Variants in C10orf90 observed in about 807,000 individuals in gnomAD.
The protein encoded by C10orf90 is chromosome 10 open reading frame 90.
A neutral mutation model predicts 62.5 loss-of-function variants in C10orf90; 56 were observed. That is an observed-to-expected ratio of 0.90 (90% confidence interval 0.72 to 1.12). The LOEUF (loss-of-function observed/expected upper bound fraction) is 1.12, where lower values mean the gene tolerates loss of function less well. Ranked by LOEUF, C10orf90 falls within the 50% of genes most tolerant of loss-of-function variation. The pLI is 0.00. For synonymous variants in C10orf90, 386 were observed against 340.4 expected (o/e 1.13, Z -1.47); for missense variants, 970 against 880.4 (o/e 1.10, Z -1.29).
intron 2 of C10orf90, among the ~76,000 whole-genome samples, chr10:126,558,330 G>A (rs1199605096): frequency 6.6e-6 from 1 of 152,054 alleles, no homozygotes. Flanking sequence ...ATCCTTCAGT[G>A]ACTTCTCATT....
chr10:126,602,621 G>A (rs979990670), intron 2 of C10orf90, among the ~76,000 whole-genome samples: 8 of 152,162 alleles, frequency 5.3e-5, no homozygotes, highest in Non-Finnish European at 4.4e-5. Flanking sequence ...TTTGGACAGA[G>A]CCCATAACCA....
chr10:126,485,110 G>A (rs988732311), intron 4 of C10orf90, among the ~76,000 whole-genome samples: 14 of 152,166 alleles, frequency 9.2e-5, no homozygotes, highest in Non-Finnish European at 1.5e-5. Flanking sequence ...AGGTAATTAG[G>A]TCATATGGGT....
At chr10:126,586,802 G>A (rs114178628) in intron 2 of C10orf90, among the ~76,000 whole-genome samples, 1,908 of 152,152 alleles carry the variant, frequency 0.013, 25 homozygotes, top group African/African-American at 0.024. Flanking sequence ...AATATGTTGC[G>A]TTATCCTATC....
chr10:126,491,973 AG>A (rs1861794639), intron 4 of C10orf90, among the ~76,000 whole-genome samples: 1 of 152,214 alleles, frequency 6.6e-6, no homozygotes, highest in African/African-American at 2.4e-5. Flanking sequence ...GAAAAGACAA[AG>A]GGGAAAAGAT....
chr10:126,549,832 G>A (rs746813970), intron 2 of C10orf90, among the ~76,000 whole-genome samples: 67 of 151,708 alleles, frequency 4.4e-4, no homozygotes, highest in Non-Finnish European at 8.1e-4. Context: ...ATCATGGGAC[G>A]CTCAACAAAA....
In C10orf90 at chr10:126,670,412, G is replaced by A. The variant is rs779078306; in HGVS notation, c.69C>T (p.Ala23=). ...TTTTTATCTGGAAAGTCCGATGCAC[G>A]GCCGTTTCTGTGTAGCGGGCAGCAT... The part of the protein sequence containing the change: ...QGYAARYTET[A]VHRTFQIKTF... The change falls in exon 1 of 10, where the codon GCC becomes GCT. Residue 23 remains alanine, a synonymous_variant. Coordinates refer to ENST00000488181, the MANE Select transcript of C10orf90 (RefSeq NM_001350921.2). 1.3e-4 allele frequency: 58 copies of A among 456,550 alleles called. No individual in the cohort carries two copies. Among genetic ancestry groups the A allele is most frequent in the South Asian group, 7.1e-4 (46 of 64,566 alleles). The allele number at this position is 456,550 out of a possible 1,614,324, so 28.3% of individuals were successfully genotyped here.
chr10:126,465,947 G>A (rs1860258421), intron 4 of C10orf90, among the ~76,000 whole-genome samples: 3 of 152,320 alleles, frequency 2.0e-5, no homozygotes, highest in Admixed American at 6.5e-5. Context: ...GAAGATGTGG[G>A]AGACTGTTGT....
chr10:126,471,221 CAAG>C (rs1860569670), intron 4 of C10orf90, among the ~76,000 whole-genome samples: 1 of 148,840 alleles, frequency 6.7e-6, no homozygotes, highest in Non-Finnish European at 1.5e-5. Context: ...ATGGGAATGC[CAAG>C]GAGGACAGCC....
intron 2 of C10orf90, among the ~76,000 whole-genome samples, chr10:126,521,747 A>G (rs1863754381): frequency 6.6e-6 from 1 of 152,242 alleles, no homozygotes; most frequent in African/African-American, 2.4e-5. Context: ...AAAATTGAGC[A>G]ATATAACAGT....
chr10:126,477,076 ATTTTTTTTTTTTTTTTTTTTTTTTTTTT>A (rs551973906), intron 4 of C10orf90, among the ~76,000 whole-genome samples: 7 of 56,434 alleles, frequency 1.2e-4, no homozygotes, highest in Non-Finnish European at 1.9e-4. Flanking sequence ...CGCCTGGCTA[ATTTTTTTTTTTTTTTTTTTTTTTTTTTT>A]TTTTTTTTTT....
rs951145332 is a variant in C10orf90 at position 126,493,042 on chromosome 10, C to T, written c.1534+10915G>A. Among the ~76,000 whole-genome samples, 5 of 152,024 alleles carry T rather than the reference C, an allele frequency of 3.3e-5. No individual in the cohort carries two copies. The South Asian group carries it at 8.3e-4, about 25-fold the overall frequency. On this transcript the variant is annotated intron_variant, in intron 4 of 9. Coordinates refer to ENST00000488181, the MANE Select transcript of C10orf90 (RefSeq NM_001350921.2). Reference sequence around the variant, plus strand: ...AATAAAGTTATACAATGGAAGCTCACGTAGCCATTAAACGATTAACAGGAA... The same window carrying T: ...AATAAAGTTATACAATGGAAGCTCATGTAGCCATTAAACGATTAACAGGAA...
chr10:126,514,455 A>G (rs2133921009), intron 2 of C10orf90, among the ~76,000 whole-genome samples: 1 of 152,266 alleles, frequency 6.6e-6, no homozygotes, highest in East Asian at 1.9e-4. Flanking sequence ...TCTATGTAAA[A>G]TCCCCCACAT....
rs1857466696 is a variant in C10orf90 at position 126,429,770 on chromosome 10, A to G, written c.2252+17T>C. ...CCCCCCACCAACTTCTTTGCACACCATACAATAACCAAGTACCTCTTAGAT... is the reference window on the plus strand; with the variant it reads ...CCCCCCACCAACTTCTTTGCACACCGTACAATAACCAAGTACCTCTTAGAT... On this transcript the variant is annotated intron_variant, in intron 8 of 9. Transcript: ENST00000488181. 2.5e-6 allele frequency: 4 copies of G among 1,613,252 alleles called. No individual in the cohort carries two copies. The highest frequency in any genetic ancestry group is 2.2e-5 in the East Asian group (1 of 44,860).
chr10:126,461,443 A>G lies in C10orf90; in HGVS notation c.1968T>C (p.Cys656=), dbSNP rs1859969878. 1.2e-6 allele frequency: 2 copies of G among 1,614,170 alleles called. No individual in the cohort carries two copies. Among genetic ancestry groups the G allele is most frequent in the Non-Finnish European group, 1.7e-6 (2 of 1,180,008 alleles). ...TTGCAGGCGTTTGCTGAGACTCAGA[A>G]CAGTCTTCGGACAGGCCAGGGCTCC... ...GAGSPGLSED[C]SESQQTPARS... The change falls in exon 6 of 10, where the codon TGT becomes TGC. Residue 656 remains cysteine, a synonymous_variant. Transcript: ENST00000488181.
intron 3 of C10orf90, among the ~76,000 whole-genome samples, chr10:126,512,404 C>CTGTG (rs1378076687): frequency 0.013 from 277 of 21,628 alleles, no homozygotes; most frequent in African/African-American, 0.022. Context: ...GTGTGTGTGT[C>CTGTG]TGTGTGTCTG....
intron 2 of C10orf90, among the ~76,000 whole-genome samples, chr10:126,607,695 C>A (rs187695759): frequency 7.9e-5 from 12 of 152,164 alleles, no homozygotes; most frequent in Admixed American, 7.9e-4. Flanking sequence ...CTCAAAGAAT[C>A]AATATTTTCC....
chr10:126,513,414 C>G (rs1027205463), intron 3 of C10orf90, among the ~76,000 whole-genome samples: 1 of 152,210 alleles, frequency 6.6e-6, no homozygotes, highest in Non-Finnish European at 1.5e-5. Flanking sequence ...GCACCAAGCT[C>G]TTTTGTTCCC....
In C10orf90 at chr10:126,486,050, C is replaced by T. The variant is rs1477026232; in HGVS notation, c.1534+17907G>A. ...AATACTTCGGAGGCCAAGAAGAAAACTGGAGAACAAATCCAACTGCCTTGG... is the reference window on the plus strand; with the variant it reads ...AATACTTCGGAGGCCAAGAAGAAAATTGGAGAACAAATCCAACTGCCTTGG... On this transcript the variant is annotated intron_variant, in intron 4 of 9. Coordinates refer to ENST00000488181, the MANE Select transcript of C10orf90 (RefSeq NM_001350921.2). Among the ~76,000 whole-genome samples the T allele has an allele frequency of 2.0e-5, 3 of 152,132 alleles. No individual in the cohort carries two copies. The East Asian group carries it at 5.8e-4, about 29-fold the overall frequency.
chr10:126,571,974 A>G (rs539522032), intron 2 of C10orf90, among the ~76,000 whole-genome samples: 1 of 152,172 alleles, frequency 6.6e-6, no homozygotes, highest in Admixed American at 6.5e-5. Context: ...GGAAAACCTC[A>G]AAAGGCCTTC....
Sources: allele counts gnomAD v4.1 joint callset (sites outside exome capture counted in the v4.1 genomes callset), GRCh38; gene constraint gnomAD v4.1.1; transcripts MANE v1.5; gene names NCBI Gene and HGNC (gene_info 2026-07-23, HGNC 2026-07-21).